FBXW8: variants seen among roughly 807,000 people sequenced by gnomAD.
FBXW8 encodes the protein F-box and WD repeat domain containing 8.
FBXW8 carries 57 observed loss-of-function variants against 65.3 expected under a neutral mutation model. The observed-to-expected ratio is 0.87, with a 90% CI of 0.71 to 1.09. The LOEUF (loss-of-function observed/expected upper bound fraction) is 1.09. Ranked by LOEUF, FBXW8 falls within the 50% of genes least tolerant of loss-of-function variation. FBXW8 has a pLI of 0.00. For missense variants in FBXW8, 777 were observed against 814.8 expected (o/e 0.95, Z 0.57); for synonymous variants, 308 against 330.2 (o/e 0.93, Z 0.73).
intron 1 of FBXW8, among the ~76,000 whole-genome samples, chr12:116,915,256 C>A (rs1880314151): frequency 1.3e-5 from 2 of 152,208 alleles, no homozygotes; most frequent in South Asian, 4.1e-4. Flanking sequence ...CCCAGCTCAT[C>A]AGGTGTTTTT....
At chr12:116,992,622 A>G (rs549853636) in intron 7 of FBXW8, among the ~76,000 whole-genome samples, 2 of 152,058 alleles carry the variant, frequency 1.3e-5, no homozygotes, top group Non-Finnish European at 2.9e-5. Flanking sequence ...CCCATAGCTT[A>G]GCTCCCACTT....
At chr12:116,913,699 G>A (rs948243113) in intron 1 of FBXW8, among the ~76,000 whole-genome samples, 1 of 152,126 alleles carries the variant, frequency 6.6e-6, no homozygotes, top group Non-Finnish European at 1.5e-5. Context: ...AGGCACATTC[G>A]ATGCAACGTT....
intron 3 of FBXW8, among the ~76,000 whole-genome samples, chr12:116,948,057 G>C (rs906945443): frequency 6.6e-6 from 1 of 152,170 alleles, no homozygotes; most frequent in Non-Finnish European, 1.5e-5. Context: ...GTCAGTGTCT[G>C]GGGAGACCCT....
intron 7 of FBXW8, 65 bp from the exon 8 acceptor site, chr12:117,010,258 G>GA (rs1173861331): frequency 1.9e-6 from 3 of 1,608,696 alleles, no homozygotes; most frequent in Non-Finnish European, 2.6e-6. Context: ...ATGGTGAAAT[G>GA]AAAGTATTTG....
intron 5 of FBXW8, chr12:116,978,306 C>A (rs1427004321): frequency 2.6e-5 from 4 of 152,260 alleles, no homozygotes; most frequent in Non-Finnish European, 4.4e-5. Flanking sequence ...TTTGTCCTGT[C>A]CAACTTTATG....
chr12:116,954,171 C>T (rs1273021566), intron 4 of FBXW8, among the ~76,000 whole-genome samples: 2 of 151,140 alleles, frequency 1.3e-5, no homozygotes, highest in East Asian at 1.9e-4. Context: ...GTTTTGCAAC[C>T]GTGTTAGAAA....
chr12:117,010,345 C>T lies in FBXW8; in HGVS notation c.1262C>T (p.Ala421Val), dbSNP rs762577736. Residue 421 changes from alanine to valine, a missense_variant, in exon 8 of 11, where the codon GCA (alanine) becomes GTA (valine). Ala to Val is a moderately conservative substitution (Grantham distance 64). Transcript: ENST00000652555. ...GSKILVYSLE[A>V]GRRLLKLGNV... The stretch of plus-strand genomic sequence containing the variant: ...CAGATCCTGGTGTATAGCCTGGAAG[C>T]AGGACGCCGCCTCTTGAAGCTGGGT... The T allele has an allele frequency of 3.1e-6, 5 of 1,614,232 alleles. 1 individual carries two copies. In the Admixed American group the frequency reaches 5.0e-5, roughly 16 times the overall value.
At chr12:116,913,593 A>G (rs1880168360) in intron 1 of FBXW8, among the ~76,000 whole-genome samples, 1 of 152,244 alleles carries the variant, frequency 6.6e-6, no homozygotes, top group African/African-American at 2.4e-5. Flanking sequence ...AAAGGCCATC[A>G]TTCTCATTGC....
At chr12:116,999,684 C>A (rs970417470) in intron 7 of FBXW8, among the ~76,000 whole-genome samples, 3 of 152,142 alleles carry the variant, frequency 2.0e-5, no homozygotes, top group Admixed American at 6.5e-5. Context: ...CCCCGGTGCC[C>A]ATCTTCAGCC....
intron 5 of FBXW8, among the ~76,000 whole-genome samples, chr12:116,972,126 A>G (rs1390249303): frequency 6.6e-6 from 1 of 152,254 alleles, no homozygotes; most frequent in Admixed American, 6.5e-5. Flanking sequence ...GGTTTTACTG[A>G]AAACTGATTT....
intron 1 of FBXW8, 55 bp downstream of exon 1, chr12:116,911,410 G>GACAA: frequency 1.8e-6 from 2 of 1,138,196 alleles, no homozygotes; most frequent in Non-Finnish European, 2.2e-6. Flanking sequence ...CCGCCCCCAG[G>GACAA]ACAAACCCCT....
intron 1 of FBXW8, among the ~76,000 whole-genome samples, chr12:116,912,607 C>T (rs1880075051): frequency 2.0e-5 from 3 of 151,956 alleles, no homozygotes; most frequent in Admixed American, 2.0e-4. Context: ...CTAACAGGCG[C>T]CCACCACCAC....
chr12:116,995,521 C>G (rs1236535598), intron 7 of FBXW8, among the ~76,000 whole-genome samples: 1 of 152,024 alleles, frequency 6.6e-6, no homozygotes, highest in Non-Finnish European at 1.5e-5. Context: ...ACAGCTGTGC[C>G]TATTGCTGGC....
intron 3 of FBXW8, among the ~76,000 whole-genome samples, chr12:116,947,658 G>C (rs1565909007): frequency 6.7e-6 from 1 of 149,676 alleles, no homozygotes; most frequent in Non-Finnish European, 1.5e-5. Flanking sequence ...AGAATCGCCT[G>C]AACCCTGGAG....
chr12:117,024,408 T>G, intron 9 of FBXW8, 88 bp downstream of exon 9: 1 of 1,495,466 alleles, frequency 6.7e-7, no homozygotes, highest in East Asian at 2.3e-5. Flanking sequence ...CGGTGCTAAA[T>G]GCCCCCTACC....
chr12:116,911,432 G>A, intron 1 of FBXW8, 77 bp downstream of exon 1: 1 of 1,042,480 alleles, frequency 9.6e-7, no homozygotes, highest in Non-Finnish European at 1.2e-6. Flanking sequence ...CAGTGATTTG[G>A]AGAGTAACTG....
chr12:117,027,483 ACAG>A lies in FBXW8; in HGVS notation c.1633_1635del (p.Ser545del). On this transcript the variant is annotated inframe_deletion, in exon 10 of 11. Transcript: ENST00000652555. ...ACGGTAATGCGAAACGCCGACCTGG[ACAG>A]CTTCACTACTCACAGGAGGTTAGTG... 1 of 1,614,118 alleles carries A rather than the reference ACAG, an allele frequency of 6.2e-7. No homozygotes were observed. Among genetic ancestry groups the A allele is most frequent in the Non-Finnish European group, 8.5e-7 (1 of 1,179,978 alleles).
At chr12:116,912,757 C>T (rs1880095347) in intron 1 of FBXW8, among the ~76,000 whole-genome samples, 1 of 152,192 alleles carries the variant, frequency 6.6e-6, no homozygotes, top group Non-Finnish European at 1.5e-5. Context: ...GCCACCGCGC[C>T]CGGCCGAGAA....
At chr12:116,981,939 T>C (rs570097378) in intron 5 of FBXW8, among the ~76,000 whole-genome samples, 6 of 152,232 alleles carry the variant, frequency 3.9e-5, no homozygotes, top group African/African-American at 1.2e-4. Flanking sequence ...ACATGTGAAA[T>C]GATACACTAT....
Sources: allele counts gnomAD v4.1 joint callset (sites outside exome capture counted in the v4.1 genomes callset), GRCh38; gene constraint gnomAD v4.1.1; transcripts MANE v1.5; gene names NCBI Gene and HGNC (gene_info 2026-07-23, HGNC 2026-07-21).